GRB2: variants seen among roughly 807,000 people sequenced by gnomAD.
GRB2 encodes the protein growth factor receptor-bound protein 2.
Under a neutral mutation model 27.4 loss-of-function variants are expected in GRB2, and 2 were observed. The ratio of observed to expected loss-of-function variants is 0.07; its 90% CI spans 0.03 to 0.23. The LOEUF (loss-of-function observed/expected upper bound fraction) is 0.23, where lower values mean the gene tolerates loss of function less well. GRB2 is among the 10% of genes least tolerant of loss of function. GRB2 has a pLI of 1.00. For synonymous variants in GRB2, 94 were observed against 99.6 expected, an observed-to-expected ratio of 0.94 and a Z score of 0.33; for missense variants, 102 against 282.4, an observed-to-expected ratio of 0.36 and a Z score of 4.58.
intron 3 of GRB2, among the ~76,000 whole-genome samples, chr17:75,329,731 A>G (rs1191588611): frequency 1.3e-5 from 2 of 152,104 alleles, no homozygotes; most frequent in Non-Finnish European, 2.9e-5. Flanking sequence ...TGTCTCTACG[A>G]AAAATAAAAA....
chr17:75,354,269 G>GA (rs2078714994), intron 2 of GRB2, among the ~76,000 whole-genome samples: 1 of 103,228 alleles, frequency 9.7e-6, no homozygotes, highest in African/African-American at 2.8e-5. Flanking sequence ...TTTTTTGGGG[G>GA]GGGGGGGGAG....
chr17:75,342,018 G>A (rs1032860314), intron 2 of GRB2, among the ~76,000 whole-genome samples: 9 of 151,982 alleles, frequency 5.9e-5, no homozygotes, highest in East Asian at 1.9e-4. Context: ...TCAACTCACC[G>A]ACCTCTAAAC....
intron 2 of GRB2, among the ~76,000 whole-genome samples, chr17:75,353,578 G>C (rs941230562): frequency 2.6e-5 from 4 of 151,686 alleles, no homozygotes; most frequent in Admixed American, 6.6e-5. Flanking sequence ...CTGACAACAC[G>C]GTGAAACCCC....
chr17:75,343,049 C>A (rs868482808), intron 2 of GRB2, among the ~76,000 whole-genome samples: 335 of 58,526 alleles, frequency 5.7e-3, no homozygotes, highest in South Asian at 8.8e-3. Flanking sequence ...AACCTTGTCT[C>A]AAAAAAAAAA....
At chr17:75,323,761 A>C (rs1292663373) in intron 4 of GRB2, among the ~76,000 whole-genome samples, 2 of 151,910 alleles carry the variant, frequency 1.3e-5, no homozygotes, top group African/African-American at 4.8e-5. Context: ...CACTTGGGTC[A>C]GTATAAAACT....
At chr17:75,339,474 A>T (rs956834663) in intron 2 of GRB2, among the ~76,000 whole-genome samples, 1 of 150,270 alleles carries the variant, frequency 6.7e-6, no homozygotes. Flanking sequence ...TTTACTTCAA[A>T]ATATATATAT....
Position 75,320,296 on chromosome 17 carries a change from C to T in GRB2, c.*72G>A. On this transcript the variant is annotated 3_prime_UTR_variant, in exon 6 of 6. Coordinates refer to ENST00000316804, the MANE Select transcript of GRB2 (RefSeq NM_002086.5). This position sits in a 1 kb window ranked among gnomAD's most constrained non-coding sequence, Gnocchi z 4.3. ...CTCCCTCACAGGCTGCTGTCAGAGG[C>T]AGCTTGTGGGTTTAATTCTTTTGTA... 1 of 1,324,534 alleles carries T rather than the reference C, an allele frequency of 7.5e-7. No individual in the cohort carries two copies. Among genetic ancestry groups the T allele is most frequent in the Non-Finnish European group, 1.1e-6 (1 of 923,502 alleles). The allele number at this position is 1,324,534 out of a possible 1,614,324, so 82.0% of individuals were successfully genotyped here. A position where few individuals can be genotyped will look rare whatever the true frequency, so the allele number is the denominator to read the frequency against.
intron 2 of GRB2, among the ~76,000 whole-genome samples, chr17:75,364,015 C>T (rs55954151): frequency 0.034 from 5,097 of 152,148 alleles, 142 homozygotes; most frequent in South Asian, 0.12. Flanking sequence ...TGGATATGCC[C>T]AAATCTCTGC....
chr17:75,347,471 G>A (rs2078662845), intron 2 of GRB2, among the ~76,000 whole-genome samples: 1 of 152,010 alleles, frequency 6.6e-6, no homozygotes, highest in African/African-American at 2.4e-5. Flanking sequence ...AAACCATTCA[G>A]CATGCATGCC....
At chr17:75,357,876 G>A (rs1044665148) in intron 2 of GRB2, among the ~76,000 whole-genome samples, 10 of 151,850 alleles carry the variant, frequency 6.6e-5, no homozygotes, top group Admixed American at 5.3e-4. Flanking sequence ...AGCCAAGATC[G>A]CGCCACTGCA....
At chr17:75,332,461 C>A (rs1455206991) in intron 3 of GRB2, among the ~76,000 whole-genome samples, 7 of 152,292 alleles carry the variant, frequency 4.6e-5, no homozygotes, top group Non-Finnish European at 1.0e-4. Context: ...CGGACCTGCA[C>A]CAACTATCGT....
chr17:75,356,001 T>C (rs1436497916), intron 2 of GRB2, among the ~76,000 whole-genome samples: 1 of 151,798 alleles, frequency 6.6e-6, no homozygotes, highest in Non-Finnish European at 1.5e-5. Context: ...CGGCTAATTT[T>C]TTTTTGTACT....
intron 2 of GRB2, among the ~76,000 whole-genome samples, chr17:75,343,176 C>T (rs758351237): frequency 4.0e-4 from 61 of 151,670 alleles, no homozygotes; most frequent in Non-Finnish European, 7.5e-4. Context: ...TGTTTCTACA[C>T]ATGTCCTATT....
intron 2 of GRB2, among the ~76,000 whole-genome samples, chr17:75,363,694 C>T (rs926353583): frequency 1.1e-4 from 17 of 151,442 alleles, no homozygotes; most frequent in African/African-American, 4.1e-4. Context: ...CCCATCTCTA[C>T]TAAAAATACA....
intron 2 of GRB2, among the ~76,000 whole-genome samples, chr17:75,352,940 C>G (rs1465887368): frequency 6.6e-6 from 1 of 150,724 alleles, no homozygotes; most frequent in Non-Finnish European, 1.5e-5. Flanking sequence ...AATCCCAGCA[C>G]TTTGGGAGGC....
At chr17:75,342,567 C>T (rs2078628467) in intron 2 of GRB2, among the ~76,000 whole-genome samples, 2 of 152,094 alleles carry the variant, frequency 1.3e-5, no homozygotes, top group Non-Finnish European at 2.9e-5. Flanking sequence ...ACCGCACCGT[C>T]AATTTATACA....
chr17:75,323,811 T>TC (rs922302188), intron 4 of GRB2, among the ~76,000 whole-genome samples: 2 of 150,014 alleles, frequency 1.3e-5, no homozygotes, highest in Non-Finnish European at 3.0e-5. Context: ...CTTTTCTTTT[T>TC]TTTTTTTTTT....
rs561522400 is a variant in GRB2, at chr17:75,383,475, T to C, written c.78+10076A>G. Among the ~76,000 whole-genome samples the C allele has an allele frequency of 5.9e-5, 9 of 152,300 alleles. No individual in the cohort carries two copies. The East Asian group carries it at 1.5e-3, about 26-fold the overall frequency. On this transcript the variant is annotated intron_variant, in intron 2 of 5. Coordinates refer to ENST00000316804, the MANE Select transcript of GRB2 (RefSeq NM_002086.5). ...ATCTGGACTAATCACCTCTTATCAATGCTGTGTACTGAATAGCATTAATAA... is the reference window on the plus strand; with the variant it reads ...ATCTGGACTAATCACCTCTTATCAACGCTGTGTACTGAATAGCATTAATAA...
chr17:75,361,222 A>T (rs923283126), intron 2 of GRB2, among the ~76,000 whole-genome samples: 4 of 152,236 alleles, frequency 2.6e-5, no homozygotes, highest in African/African-American at 9.6e-5. Context: ...ACAAACAGCT[A>T]ATAAAAAGAA....
Sources: allele counts gnomAD v4.1 joint callset (sites outside exome capture counted in the v4.1 genomes callset), GRCh38; gene constraint gnomAD v4.1.1; non-coding constraint Gnocchi (gnomAD v3.1); transcripts MANE v1.5; gene names NCBI Gene and HGNC (gene_info 2026-07-23, HGNC 2026-07-21).